IGSF3: variants seen among roughly 807,000 people sequenced by gnomAD.
IGSF3 encodes glu-Trp-Ile EWI motif-containing protein 3.
Under a neutral mutation model 114.4 loss-of-function variants are expected in IGSF3, and 23 were observed. The ratio of observed to expected loss-of-function variants is 0.20; its 90% CI spans 0.14 to 0.28. IGSF3 has a LOEUF of 0.28. Ranked by LOEUF, IGSF3 falls within the 10% of genes least tolerant of loss-of-function variation. The pLI, the probability that IGSF3 is intolerant of heterozygous loss-of-function variation, is 1.00. For synonymous variants in IGSF3, 571 were observed against 645.2 expected (o/e 0.88, Z 1.74); for missense variants, 1,172 against 1,591.5 (o/e 0.74, Z 4.48).
In IGSF3 at chr1:116,584,979, A is replaced by T; in HGVS notation, c.2514T>A (p.Cys838Ter). 1 of 1,601,564 alleles carries T rather than the reference A, an allele frequency of 6.2e-7. No individual in the cohort carries two copies. Among genetic ancestry groups the T allele is most frequent in the Non-Finnish European group, 8.5e-7 (1 of 1,170,826 alleles). ...VLETRQVQLE[C>*]VVLNRTSITS... ...TTATGCTGGTGCGGTTGAGAACCAC[A>T]CACTCCAGCTGTACCTGCCGGGTCT... The change falls in exon 9 of 11, where the codon TGT becomes TGA. Residue 838 changes from cysteine to a stop codon, truncating the protein, a stop_gained. Transcript: ENST00000369486. LOFTEE classifies it high-confidence loss of function. The surrounding 1 kb of genome is among the most constrained non-coding windows in gnomAD (Gnocchi z 5.8).
chr1:116,577,658 C>A lies in IGSF3; in HGVS notation c.3335-96G>T. On this transcript the variant is annotated intron_variant, in intron 10 of 10. Transcript: ENST00000369486. This position sits in a 1 kb window ranked among gnomAD's most constrained non-coding sequence, Gnocchi z 5.7. ...GACCTCACCTGACCCAGTGGAAGCTCCTCGGTGACACTCCCACACCACCTT... is the reference window on the plus strand; with the variant it reads ...GACCTCACCTGACCCAGTGGAAGCTACTCGGTGACACTCCCACACCACCTT... 8.7e-7 allele frequency: 1 copy of A among 1,154,744 alleles called. No homozygotes were observed. 71.5% of individuals were successfully genotyped at this position (1,154,744 alleles called of 1,614,324 possible).
intron 2 of IGSF3, among the ~76,000 whole-genome samples, chr1:116,621,077 G>A (rs1661401405): frequency 6.6e-6 from 1 of 152,148 alleles, no homozygotes; most frequent in South Asian, 2.1e-4. Context: ...TTGGTGCTGT[G>A]CTTGTTAGAG....
rs114915440 is a variant in IGSF3 at position 116,579,663 on chromosome 1, G to A, written c.3063C>T (p.Asp1021=). 1.3e-5 allele frequency: 20 copies of A among 1,565,056 alleles called. No individual in the cohort carries two copies. The highest frequency in any genetic ancestry group is 3.4e-5 in the Admixed American group (2 of 58,418). The change falls in exon 10 of 11, where the codon GAC becomes GAT. Residue 1021 remains aspartate (D), a synonymous_variant. Coordinates refer to ENST00000369486, the MANE Select transcript of IGSF3 (RefSeq NM_001007237.3). This position sits in a 1 kb window ranked among gnomAD's most constrained non-coding sequence, Gnocchi z 6.4. ...GCTCTGTTGGGTCGTCGTCGTCGTCGTCGTCCTCCTCCTCCTCCTCCTCCC... is the reference window on the plus strand; with the variant it reads ...GCTCTGTTGGGTCGTCGTCGTCGTCATCGTCCTCCTCCTCCTCCTCCTCCC... The part of the protein sequence containing the change: ...EEREEEEEED[D]DDDDDPTERT...
chr1:116,660,543 G>C (rs555455338), intron 2 of IGSF3, among the ~76,000 whole-genome samples: 3 of 140,998 alleles, frequency 2.1e-5, no homozygotes, highest in Non-Finnish European at 4.5e-5. Flanking sequence ...GCAGTGCAGT[G>C]GCGCAATCTC....
rs1012704059 is a variant in IGSF3, at chr1:116,577,738, G to T, written c.3335-176C>A. ...AGATGACCCTTATATTCTTTTTCTC[G>T]CAACACCTCTCCTAATTTACGGCTG... On this transcript the variant is annotated intron_variant, in intron 10 of 10. Coordinates refer to ENST00000369486, the MANE Select transcript of IGSF3 (RefSeq NM_001007237.3). This position sits in a 1 kb window ranked among gnomAD's most constrained non-coding sequence, Gnocchi z 5.7. Among the ~76,000 whole-genome samples the T allele has an allele frequency of 6.6e-6, 1 of 151,946 alleles. No homozygotes were observed. The highest frequency in any genetic ancestry group is 2.4e-5 in the African/African-American group (1 of 41,336).
At position 116,629,341 on chromosome 1, in the gene IGSF3, A is replaced by T. The variant is rs1344572196; in HGVS notation, c.44-12884T>A. Among the ~76,000 whole-genome samples the T allele has an allele frequency of 1.3e-5, 2 of 152,230 alleles. No individual in the cohort carries two copies. The highest frequency in any genetic ancestry group is 1.9e-4 in the East Asian group (1 of 5,198). On this transcript the variant is annotated intron_variant, in intron 2 of 10. Coordinates refer to ENST00000369486, the MANE Select transcript of IGSF3 (RefSeq NM_001007237.3). The surrounding 1 kb of genome is among the most constrained non-coding windows in gnomAD (Gnocchi z 4.3). ...GAAAAAGGACTGGGCTAGTATATTTAAAAAACGCTAAAGGGAGGTGGGGTA... is the reference window on the plus strand; with the variant it reads ...GAAAAAGGACTGGGCTAGTATATTTTAAAAACGCTAAAGGGAGGTGGGGTA...
At chr1:116,581,320 C>CTTT (rs955415319) in intron 9 of IGSF3, among the ~76,000 whole-genome samples, 94 of 70,584 alleles carry the variant, frequency 1.3e-3, no homozygotes, top group African/African-American at 3.2e-3. Context: ...GTTTTGCTGT[C>CTTT]TTTTTTTTTT....
chr1:116,578,303 A>G (rs1235079087), intron 10 of IGSF3, among the ~76,000 whole-genome samples: 1 of 152,254 alleles, frequency 6.6e-6, no homozygotes, highest in Non-Finnish European at 1.5e-5. Flanking sequence ...CACAATGGAC[A>G]GGTAAAATGT....
rs543525212 is a variant in IGSF3 at position 116,649,814 on chromosome 1, T to C, written c.43+16470A>G. On this transcript the variant is annotated intron_variant, in intron 2 of 10. Transcript: ENST00000369486. This position sits in a 1 kb window ranked among gnomAD's most constrained non-coding sequence, Gnocchi z 4.5. ...CGGCTGCATAAGTCACGTGTCACCA[T>C]ATAAACTCACAATTTGAGGTGCTCT... 8.5e-5 allele frequency among the ~76,000 whole-genome samples: 13 copies of C among 152,328 alleles called. No homozygotes were observed. The South Asian group carries it at 1.5e-3, about 17-fold the overall frequency.
Position 116,584,231 on chromosome 1 carries a change from G to C in IGSF3, c.2848+414C>G, listed in dbSNP as rs1488306809. 2.6e-5 allele frequency among the ~76,000 whole-genome samples: 4 copies of C among 151,960 alleles called. No individual in the cohort carries two copies. Among genetic ancestry groups the C allele is most frequent in the Admixed American group, 2.6e-4 (4 of 15,254 alleles). Reference sequence around the variant, plus strand: ...AAGTATTGGGAAGTGACAGAGTGAAGGCTGCACACAATTCATTGTTTTCTA... The same window carrying C: ...AAGTATTGGGAAGTGACAGAGTGAACGCTGCACACAATTCATTGTTTTCTA... On this transcript the variant is annotated intron_variant, in intron 9 of 10. Transcript: ENST00000369486. This position sits in a 1 kb window ranked among gnomAD's most constrained non-coding sequence, Gnocchi z 5.8.
At position 116,628,500 on chromosome 1, in the gene IGSF3, C is replaced by A. The variant is rs1227297798; in HGVS notation, c.44-12043G>T. 2.0e-5 allele frequency among the ~76,000 whole-genome samples: 3 copies of A among 152,026 alleles called. No individual in the cohort carries two copies. The highest frequency in any genetic ancestry group is 4.4e-5 in the Non-Finnish European group (3 of 68,010). The stretch of plus-strand genomic sequence containing the variant: ...ATCTAGGTGACCTTGACCAGATGGG[C>A]ATCTGTATTCCATTACCCAGCATAT... On this transcript the variant is annotated intron_variant, in intron 2 of 10. Coordinates refer to ENST00000369486, the MANE Select transcript of IGSF3 (RefSeq NM_001007237.3). This position sits in a 1 kb window ranked among gnomAD's most constrained non-coding sequence, Gnocchi z 4.2.
At chr1:116,656,981 C>T (rs1364273049) in intron 2 of IGSF3, among the ~76,000 whole-genome samples, 2 of 152,052 alleles carry the variant, frequency 1.3e-5, no homozygotes, top group Admixed American at 6.6e-5. Context: ...TATAAGCTAC[C>T]TCCTGAAGTA....
rs192298827 is a variant in IGSF3, at chr1:116,636,378, T to C, written c.44-19921A>G. On this transcript the variant is annotated intron_variant, in intron 2 of 10. Coordinates refer to ENST00000369486, the MANE Select transcript of IGSF3 (RefSeq NM_001007237.3). The surrounding 1 kb of genome is among the most constrained non-coding windows in gnomAD (Gnocchi z 4.5). ...TTTCCTGAGCTTAGGACAGTTTTCA[T>C]GCAAACTGGTTCTTCCAGGTTCTTA... is the stretch of plus-strand genomic sequence containing the variant. Among the ~76,000 whole-genome samples, 1 of 152,348 alleles carries C rather than the reference T, an allele frequency of 6.6e-6. No homozygotes were observed. The highest frequency in any genetic ancestry group is 1.9e-4 in the East Asian group (1 of 5,184).
At chr1:116,643,704 C>T (rs1258496992) in intron 2 of IGSF3, among the ~76,000 whole-genome samples, 1 of 152,234 alleles carries the variant, frequency 6.6e-6, no homozygotes, top group Admixed American at 6.5e-5. Flanking sequence ...TGTCTACGGG[C>T]ACGTCTTGTG....
rs1557885290 is a variant in IGSF3 at position 116,649,267 on chromosome 1, C to T, written c.43+17017G>A. Among the ~76,000 whole-genome samples the T allele has an allele frequency of 1.3e-5, 2 of 152,222 alleles. No homozygotes were observed. Among genetic ancestry groups the T allele is most frequent in the African/African-American group, 4.8e-5 (2 of 41,448 alleles). On this transcript the variant is annotated intron_variant, in intron 2 of 10. Transcript: ENST00000369486. The surrounding 1 kb of genome is among the most constrained non-coding windows in gnomAD (Gnocchi z 4.5). ...TACATGGCTCTTCCCTGGTTCCTTCCTCTCCCACTTCATTGACTAACGCTA... is the reference window on the plus strand; with the variant it reads ...TACATGGCTCTTCCCTGGTTCCTTCTTCTCCCACTTCATTGACTAACGCTA...
rs1456940534 is a variant in IGSF3 at position 116,598,723 on chromosome 1, A to C, written c.2029+1218T>G. Among the ~76,000 whole-genome samples the C allele has an allele frequency of 6.6e-6, 1 of 152,202 alleles. No individual in the cohort carries two copies. The highest frequency in any genetic ancestry group is 1.5e-5 in the Non-Finnish European group (1 of 68,032). ...GTCAAACCCTTGCCCTTGCCTGCAC[A>C]GGTGTCTGTTCCAGCCGAGGCATGG... On this transcript the variant is annotated intron_variant, in intron 7 of 10. Transcript: ENST00000369486. This position sits in a 1 kb window ranked among gnomAD's most constrained non-coding sequence, Gnocchi z 4.3.
chr1:116,575,257 G>C lies in IGSF3; in HGVS notation c.*2055C>G, dbSNP rs899978899. ...CTTTTTTCATGACTGAGCCGCTCCT[G>C]TACCTCTAATGTGTTGATGCAGCAT... On this transcript the variant is annotated 3_prime_UTR_variant, in exon 11 of 11. Transcript: ENST00000369486. This position sits in a 1 kb window ranked among gnomAD's most constrained non-coding sequence, Gnocchi z 5.6. 6.6e-6 allele frequency: 1 copy of C among 152,628 alleles called. No individual in the cohort carries two copies. Among genetic ancestry groups the C allele is most frequent in the African/African-American group, 2.4e-5 (1 of 41,452 alleles). The allele number at this position is 152,628 out of a possible 1,614,324, so 9.5% of individuals were successfully genotyped here.
At chr1:116,617,663 G>C (rs926476600) in intron 2 of IGSF3, among the ~76,000 whole-genome samples, 1 of 152,068 alleles carries the variant, frequency 6.6e-6, no homozygotes, top group African/African-American at 2.4e-5. Context: ...AGTAAGATGG[G>C]GATAATAATG....
chr1:116,628,399 C>CT lies in IGSF3; in HGVS notation c.44-11943dup, dbSNP rs965362219. Among the ~76,000 whole-genome samples the CT allele has an allele frequency of 5.4e-5, 8 of 149,148 alleles. No individual in the cohort carries two copies. The highest frequency in any genetic ancestry group is 3.4e-3 in the Middle Eastern group (1 of 290). Reference sequence around the variant, plus strand: ...GAAAGCAATCTGACTGGCTGGGAGACTTTTTTTTTTAACCAGGCCCCCAGA... The same window carrying CT: ...GAAAGCAATCTGACTGGCTGGGAGACTTTTTTTTTTTAACCAGGCCCCCAGA... On this transcript the variant is annotated intron_variant, in intron 2 of 10. Coordinates refer to ENST00000369486, the MANE Select transcript of IGSF3 (RefSeq NM_001007237.3). This position sits in a 1 kb window ranked among gnomAD's most constrained non-coding sequence, Gnocchi z 4.2.
Sources: allele counts gnomAD v4.1 joint callset (sites outside exome capture counted in the v4.1 genomes callset), GRCh38; gene constraint gnomAD v4.1.1; non-coding constraint Gnocchi (gnomAD v3.1); transcripts MANE v1.5; gene names NCBI Gene and HGNC (gene_info 2026-07-23, HGNC 2026-07-21).